Variants in GINS1 observed in about 807,000 individuals in gnomAD.
GINS1 encodes the protein DNA replication complex GINS protein PSF1.
A neutral mutation model predicts 34.9 loss-of-function variants in GINS1; 26 were observed. The ratio of observed to expected loss-of-function variants is 0.74; its 90% CI spans 0.55 to 1.03. The LOEUF (loss-of-function observed/expected upper bound fraction) is 1.03, where lower values mean the gene tolerates loss of function less well. Among genes scored for constraint, GINS1 ranks in the 50% least tolerant of loss-of-function variants. The pLI, the probability that GINS1 is intolerant of heterozygous loss-of-function variation, is 0.00. For missense variants in GINS1, 235 were observed against 237.9 expected (o/e 0.99, Z 0.08); for synonymous variants, 97 against 84.4 (o/e 1.15, Z -0.82).
intron 5 of GINS1, among the ~76,000 whole-genome samples, chr20:25,433,483 T>A (rs2090438189): frequency 6.6e-6 from 1 of 152,168 alleles, no homozygotes; most frequent in African/African-American, 2.4e-5. Context: ...CAATACCTTA[T>A]ACAATATAAA....
intron 2 of GINS1, 21 bp from the exon 3 acceptor site, chr20:25,417,082 TC>T: frequency 1.8e-6 from 2 of 1,094,690 alleles, no homozygotes; most frequent in Non-Finnish European, 2.8e-6. Context: ...ATATTTTTTT[TC>T]TTTTTAAATG....
intron 5 of GINS1, among the ~76,000 whole-genome samples, chr20:25,428,730 G>T (rs2146210004): frequency 6.6e-6 from 1 of 151,996 alleles, no homozygotes; most frequent in African/African-American, 2.4e-5. Context: ...TAATAAGACT[G>T]CCCTTTCCCC....
chr20:25,419,622 A>G (rs1480596077), intron 4 of GINS1: 1 of 846,354 alleles, frequency 1.2e-6, no homozygotes, highest in Non-Finnish European at 1.5e-6. Context: ...CTCTAACGAC[A>G]GTAGCTTTAA....
intron 2 of GINS1, among the ~76,000 whole-genome samples, chr20:25,416,483 A>G (rs1342838668): frequency 6.6e-6 from 1 of 152,210 alleles, no homozygotes; most frequent in Non-Finnish European, 1.5e-5. Context: ...TTCTTTTTAT[A>G]TGCATATGGT....
chr20:25,442,826 G>T (rs537397439), intron 6 of GINS1, among the ~76,000 whole-genome samples: 2 of 151,566 alleles, frequency 1.3e-5, no homozygotes, highest in Non-Finnish European at 2.9e-5. Flanking sequence ...GGCTGGTCTT[G>T]AACTCCTGAG....
At chr20:25,419,769 TCTC>T (rs2090343655) in intron 4 of GINS1, 1 of 224,724 alleles carries the variant, frequency 4.4e-6, no homozygotes, top group African/African-American at 2.4e-5. Flanking sequence ...TTCAAGCAAT[TCTC>T]CTGCCTCAGC....
intron 4 of GINS1, among the ~76,000 whole-genome samples, chr20:25,422,203 C>T (rs913970350): frequency 5.9e-5 from 9 of 152,196 alleles, no homozygotes; most frequent in South Asian, 2.1e-4. Context: ...AACATTGCTC[C>T]GGAACCTTTG....
chr20:25,419,609 T>C (rs920729703), intron 4 of GINS1: 11 of 814,752 alleles, frequency 1.4e-5, no homozygotes, highest in Non-Finnish European at 3.2e-6. Context: ...GAACATTATG[T>C]TTCTCTAACG....
rs773786693 is a variant in GINS1, at chr20:25,413,773, C to T, written c.76-17C>T. ...TGGGGAAATCAGTGGATTTCAATAT[C>T]GGTTTATATGTTCTAGGAGGATGGA... On this transcript the variant is annotated splice_polypyrimidine_tract_variant and intron_variant, in intron 1 of 6. Transcript: ENST00000262460. 26 of 1,471,424 alleles carry T rather than the reference C, an allele frequency of 1.8e-5. No individual in the cohort carries two copies. Among genetic ancestry groups the T allele is most frequent in the South Asian group, 1.5e-4 (13 of 88,150 alleles). The allele number at this position is 1,471,424 out of a possible 1,614,324, so 91.1% of individuals were successfully genotyped here.
At chr20:25,419,146 C>T (rs183367382) in intron 4 of GINS1, among the ~76,000 whole-genome samples, 23 of 152,266 alleles carry the variant, frequency 1.5e-4, no homozygotes, top group Non-Finnish European at 2.8e-4. Flanking sequence ...TATTACAAGG[C>T]CTATCACAGG....
intron 5 of GINS1, among the ~76,000 whole-genome samples, chr20:25,429,989 T>C (rs2090418070): frequency 6.6e-6 from 1 of 152,156 alleles, no homozygotes; most frequent in Non-Finnish European, 1.5e-5. Context: ...CTCAGCTCAC[T>C]TCAACGTCCG....
chr20:25,427,869 ATT>A (rs11411051), intron 5 of GINS1, among the ~76,000 whole-genome samples: 1 of 94,266 alleles, frequency 1.1e-5, no homozygotes, highest in Non-Finnish European at 2.0e-5. Context: ...CCAGTTCGTC[ATT>A]TTTTTTTTTT....
rs556572208 is a variant in GINS1, at chr20:25,413,605, T to C, written c.76-185T>C. On this transcript the variant is annotated intron_variant, in intron 1 of 6. Transcript: ENST00000262460. ...TACCGTTTTACATTCCCACCAGCAA[T>C]GTACGAGGGTTCCAGTTTCTCCGCA... The C allele has an allele frequency of 1.3e-4, 75 of 573,844 alleles. No individual in the cohort carries two copies. The South Asian group carries it at 1.5e-3, about 12-fold the overall frequency. The allele number at this position is 573,844 out of a possible 1,614,324, so 35.5% of individuals were successfully genotyped here.
chr20:25,417,680 AC>A (rs1458408404), intron 3 of GINS1, among the ~76,000 whole-genome samples: 5 of 152,068 alleles, frequency 3.3e-5, no homozygotes, highest in Admixed American at 2.6e-4. Context: ...ACATGGTGAA[AC>A]CCTGTCTCTA....
chr20:25,442,032 A>G (rs761508160), intron 6 of GINS1, among the ~76,000 whole-genome samples: 1 of 152,174 alleles, frequency 6.6e-6, no homozygotes. Context: ...GAATTACCAT[A>G]ATCAGCCTTA....
In GINS1 at chr20:25,446,054, C is replaced by A. The variant is rs1288892505; in HGVS notation, c.*63C>A. ...TGGACTCCTCTGTACTCACTCTCTC[C>A]ACCACTCCCTTCACCTCCCTCTTTG... is the stretch of plus-strand genomic sequence containing the variant. On this transcript the variant is annotated 3_prime_UTR_variant, in exon 7 of 7. Transcript: ENST00000262460. 1.2e-6 allele frequency: 1 copy of A among 832,692 alleles called. No individual in the cohort carries two copies. Among genetic ancestry groups the A allele is most frequent in the Non-Finnish European group, 1.9e-6 (1 of 517,218 alleles). 51.6% of individuals were successfully genotyped at this position (832,692 alleles called of 1,614,324 possible). A position where few individuals can be genotyped will look rare whatever the true frequency, so the allele number is the denominator to read the frequency against.
rs970385977 is a variant in GINS1, at chr20:25,440,827, A to G, written c.448-875A>G. The stretch of plus-strand genomic sequence containing the variant: ...CTCTGTCTCAAAAAAAAAAAAAAAA[A>G]AAAAAGAAAGAAAAAACAGCAAATG... On this transcript the variant is annotated intron_variant, in intron 5 of 6. Coordinates refer to ENST00000262460, the MANE Select transcript of GINS1 (RefSeq NM_021067.5). 2.6e-3 allele frequency among the ~76,000 whole-genome samples: 396 copies of G among 150,244 alleles called. 2 individuals carry two copies. Among genetic ancestry groups the G allele is most frequent in the African/African-American group, 8.8e-3 (352 of 40,026 alleles).
intron 5 of GINS1, among the ~76,000 whole-genome samples, chr20:25,433,586 A>G (rs1280487819): frequency 6.6e-6 from 1 of 151,948 alleles, no homozygotes; most frequent in Admixed American, 6.5e-5. Context: ...ACAACCATCC[A>G]TTTGTTTAAA....
At chr20:25,429,281 G>A (rs921231835) in intron 5 of GINS1, among the ~76,000 whole-genome samples, 4 of 152,064 alleles carry the variant, frequency 2.6e-5, no homozygotes, top group Non-Finnish European at 2.9e-5. Flanking sequence ...GAGCCACCAC[G>A]CCCGGCCCCA....
Sources: gnomAD v4.1 joint callset for allele counts (sites outside exome capture counted in the v4.1 genomes callset) on GRCh38, gnomAD v4.1.1 for gene constraint, MANE v1.5 for transcripts, NCBI Gene and HGNC (gene_info 2026-07-23, HGNC 2026-07-21) for gene names.